The following SERPINB12 variants were observed in gnomAD, a reference collection of about 807,000 sequenced individuals.
SERPINB12 encodes serpin family B member 12.
A neutral mutation model predicts 41.1 loss-of-function variants in SERPINB12; 57 were observed. That is an observed-to-expected ratio of 1.39 (90% confidence interval 1.12 to 1.73). SERPINB12 has a LOEUF of 1.73. Ranked by LOEUF, SERPINB12 falls within the 40% of genes most tolerant of loss-of-function variation. The pLI is 0.00. For missense variants in SERPINB12, 536 were observed against 501.9 expected (o/e 1.07, Z -0.65); for synonymous variants, 180 against 181.3 (o/e 0.99, Z 0.06).
chr18:63,538,663 G>T (rs1049499235), upstream of SERPINB12, among the ~76,000 whole-genome samples: 1 of 152,048 alleles, frequency 6.6e-6, no homozygotes, highest in African/African-American at 2.4e-5. Flanking sequence ...TTGTGTACAA[G>T]CTTTTGTGTG....
chr18:63,550,783 A>T (rs1047894414), intron 1 of SERPINB12, among the ~76,000 whole-genome samples: 1 of 152,158 alleles, frequency 6.6e-6, no homozygotes, highest in Non-Finnish European at 1.5e-5. Flanking sequence ...TTTACACCAT[A>T]GAAATCAGCA....
chr18:63,536,141 C>T, the SERPINB12 span, among the ~76,000 whole-genome samples: 1 of 151,826 alleles, frequency 6.6e-6, no homozygotes, highest in African/African-American at 2.4e-5. Flanking sequence ...ACATTCTATA[C>T]ATTTGAAATT....
chr18:63,559,543 C>T (rs369293285), intron 3 of SERPINB12, 35 bp from the exon 4 acceptor site: 9 of 1,610,652 alleles, frequency 5.6e-6, no homozygotes, highest in African/African-American at 1.3e-5. Flanking sequence ...CTGATAGACA[C>T]AGTGAAGGTC....
At chr18:63,538,891 G>A (rs1910222433), upstream of SERPINB12, among the ~76,000 whole-genome samples, 1 of 152,156 alleles carries the variant, frequency 6.6e-6, no homozygotes, top group Non-Finnish European at 1.5e-5. Flanking sequence ...ATCCCAGTGT[G>A]TATAAAGCGG....
intron 1 of SERPINB12, among the ~76,000 whole-genome samples, chr18:63,552,194 C>T (rs907894642): frequency 2.7e-4 from 41 of 152,078 alleles, no homozygotes; most frequent in Non-Finnish European, 8.8e-5. Flanking sequence ...GGGAGGCCTG[C>T]GAATGGGTTT....
chr18:63,559,788 G>C, intron 4 of SERPINB12, 70 bp downstream of exon 4: 1 of 1,526,228 alleles, frequency 6.6e-7, no homozygotes, highest in Non-Finnish European at 9.0e-7. Flanking sequence ...GAGTAGCTGG[G>C]TTACTCACCT....
intron 4 of SERPINB12, among the ~76,000 whole-genome samples, chr18:63,560,741 A>G (rs1287016156): frequency 1.3e-5 from 2 of 152,200 alleles, no homozygotes; most frequent in East Asian, 3.8e-4. Context: ...TAAAAACAGA[A>G]GCATTTTCCA....
intron 5 of SERPINB12, 48 bp from the exon 6 acceptor site, chr18:63,563,929 GC>G (rs1323264904): frequency 6.8e-7 from 1 of 1,478,932 alleles, no homozygotes; most frequent in African/African-American, 1.4e-5. Flanking sequence ...CTACACAAAT[GC>G]TTTTGATACA....
chr18:63,563,218 G>A (rs566932876), intron 5 of SERPINB12, among the ~76,000 whole-genome samples: 5 of 152,192 alleles, frequency 3.3e-5, no homozygotes, highest in Non-Finnish European at 5.9e-5. Flanking sequence ...TTTATATCAT[G>A]GTCTAGCACA....
At chr18:63,554,166 A>G (rs1000928184) in intron 1 of SERPINB12, among the ~76,000 whole-genome samples, 11 of 152,226 alleles carry the variant, frequency 7.2e-5, no homozygotes, top group African/African-American at 2.7e-4. Flanking sequence ...TACAGCAGGC[A>G]TGTGTTTGAT....
the SERPINB12 span, among the ~76,000 whole-genome samples, chr18:63,523,459 A>G: frequency 1.3e-4 from 20 of 152,210 alleles, no homozygotes; most frequent in African/African-American, 4.1e-4. Flanking sequence ...ATAATCTGGA[A>G]GTCAAACCTG....
chr18:63,561,832 T>G (rs138779181), intron 5 of SERPINB12, among the ~76,000 whole-genome samples: 1 of 152,118 alleles, frequency 6.6e-6, no homozygotes, highest in Non-Finnish European at 1.5e-5. Context: ...AGCTAAACAT[T>G]GAGGACACAC....
At chr18:63,556,066 A>C in intron 1 of SERPINB12, 76 bp from the exon 2 acceptor site, 1 of 1,030,166 alleles carries the variant, frequency 9.7e-7, no homozygotes. Flanking sequence ...TATTTCAGGT[A>C]TGTAAAATAA....
intron 1 of SERPINB12, among the ~76,000 whole-genome samples, chr18:63,555,051 C>T (rs1278041937): frequency 6.6e-6 from 1 of 152,176 alleles, no homozygotes; most frequent in South Asian, 2.1e-4. Flanking sequence ...GCTTCCCCAG[C>T]CATGCGGAAC....
the SERPINB12 span, among the ~76,000 whole-genome samples, chr18:63,536,108 T>C: frequency 6.6e-6 from 1 of 151,882 alleles, no homozygotes; most frequent in African/African-American, 2.4e-5. Context: ...ATGGTATATA[T>C]AGTTCTTTTA....
At chr18:63,555,616 C>G (rs1322514881) in intron 1 of SERPINB12, among the ~76,000 whole-genome samples, 1 of 152,102 alleles carries the variant, frequency 6.6e-6, no homozygotes, top group Admixed American at 6.5e-5. Context: ...AGGATGGGCT[C>G]TAATTCAGTG....
chr18:63,523,097 G>A, the SERPINB12 span, among the ~76,000 whole-genome samples: 1 of 152,054 alleles, frequency 6.6e-6, no homozygotes, highest in East Asian at 1.9e-4. Flanking sequence ...AAGTTAGTTT[G>A]AGATAAAAAG....
the SERPINB12 span, among the ~76,000 whole-genome samples, chr18:63,527,068 GGTT>G: frequency 6.6e-6 from 1 of 152,140 alleles, no homozygotes; most frequent in Non-Finnish European, 1.5e-5. Context: ...GTATGTGGTC[GGTT>G]GTTGACTGAA....
At chr18:63,563,571 C>T (rs1336541148) in intron 5 of SERPINB12, among the ~76,000 whole-genome samples, 1 of 152,180 alleles carries the variant, frequency 6.6e-6, no homozygotes, top group Non-Finnish European at 1.5e-5. Flanking sequence ...GAATGAGACA[C>T]TCCCTAGTCT....
Sources: allele counts gnomAD v4.1 joint callset (sites outside exome capture counted in the v4.1 genomes callset), GRCh38; gene constraint gnomAD v4.1.1; transcripts MANE v1.5; gene names NCBI Gene and HGNC (gene_info 2026-07-23, HGNC 2026-07-21).